Variants in AMOTL1 observed in about 807,000 individuals in gnomAD.
The protein encoded by AMOTL1 is angiomotin-like protein 1.
Under a neutral mutation model 102.9 loss-of-function variants are expected in AMOTL1, and 45 were observed. The ratio of observed to expected loss-of-function variants is 0.44; its 90% confidence interval spans 0.34 to 0.56. AMOTL1 has a LOEUF of 0.56. Among genes scored for constraint, AMOTL1 ranks in the 20% least tolerant of loss-of-function variants. AMOTL1 has a pLI of 0.01. For synonymous variants in AMOTL1, 481 were observed against 484.7 expected (o/e 0.99, Z 0.10); for missense variants, 1,114 against 1,225.6 (o/e 0.91, Z 1.36).
chr11:94,856,449 G>A (rs959539716), intron 8 of AMOTL1, among the ~76,000 whole-genome samples: 3 of 150,382 alleles, frequency 2.0e-5, no homozygotes, highest in African/African-American at 7.5e-5. Flanking sequence ...GGGCCTGTGG[G>A]CTGGTCTGGG....
At chr11:94,841,551 T>G (rs1452999698) in intron 6 of AMOTL1, among the ~76,000 whole-genome samples, 1 of 152,234 alleles carries the variant, frequency 6.6e-6, no homozygotes, top group Non-Finnish European at 1.5e-5. Context: ...ATGGAATCAC[T>G]AGTATGTATA....
intron 11 of AMOTL1, among the ~76,000 whole-genome samples, chr11:94,868,826 C>T (rs1053783554): frequency 6.6e-6 from 1 of 152,090 alleles, no homozygotes; most frequent in African/African-American, 2.4e-5. Flanking sequence ...CCCTACCCCT[C>T]CTGCTGGCAA....
intron 1 of AMOTL1, among the ~76,000 whole-genome samples, chr11:94,719,322 C>G (rs185327973): frequency 6.6e-6 from 1 of 151,988 alleles, no homozygotes; most frequent in East Asian, 1.9e-4. Flanking sequence ...ACACTGTTTT[C>G]CTTTATCGAA....
chr11:94,709,797 G>A (rs1949992902), intron 1 of AMOTL1, among the ~76,000 whole-genome samples: 1 of 152,210 alleles, frequency 6.6e-6, no homozygotes, highest in South Asian at 2.1e-4. Context: ...TTTGGGGGTG[G>A]TTTTTATGTA....
intron 11 of AMOTL1, among the ~76,000 whole-genome samples, chr11:94,867,277 G>C (rs73520305): frequency 0.06 from 9,141 of 152,236 alleles, 497 homozygotes; most frequent in African/African-American, 0.14. Context: ...CAAAGAAGAC[G>C]TGTGTGGACA....
intron 2 of AMOTL1, among the ~76,000 whole-genome samples, chr11:94,734,680 G>A (rs779493697): frequency 3.3e-5 from 5 of 152,104 alleles, no homozygotes; most frequent in Admixed American, 6.5e-5. Flanking sequence ...GAGGAGGAGC[G>A]GGTATTGCTT....
intron 3 of AMOTL1, among the ~76,000 whole-genome samples, chr11:94,751,381 G>A (rs1007917933): frequency 6.6e-6 from 1 of 151,940 alleles, no homozygotes; most frequent in Admixed American, 6.6e-5. Context: ...TTGCAGCAGA[G>A]TCCCTGGGAC....
intron 5 of AMOTL1, 95 bp from the exon 6 acceptor site, chr11:94,831,357 T>C: frequency 9.9e-7 from 1 of 1,014,592 alleles, no homozygotes; most frequent in Non-Finnish European, 1.5e-6. Context: ...GAGCATCTCT[T>C]CCTCCCCAGC....
chr11:94,831,624 G>A, intron 6 of AMOTL1, 83 bp downstream of exon 6: 3 of 1,237,550 alleles, frequency 2.4e-6, no homozygotes, highest in Non-Finnish European at 3.5e-6. Flanking sequence ...AGTTTCAAGT[G>A]GGTTTTGTGC....
intron 3 of AMOTL1, among the ~76,000 whole-genome samples, chr11:94,746,145 T>C (rs2135484131): frequency 6.6e-6 from 1 of 152,310 alleles, no homozygotes; most frequent in South Asian, 2.1e-4. Context: ...AAAAGGGGAT[T>C]TTTTAAAAGG....
intron 3 of AMOTL1, among the ~76,000 whole-genome samples, chr11:94,749,004 G>A (rs910327550): frequency 1.2e-4 from 19 of 152,180 alleles, no homozygotes; most frequent in African/African-American, 4.3e-4. Context: ...GTTCTCCAGA[G>A]AGACAGAACA....
At chr11:94,827,594 T>C (rs1389342590) in intron 4 of AMOTL1, among the ~76,000 whole-genome samples, 2 of 152,110 alleles carry the variant, frequency 1.3e-5, no homozygotes, top group Non-Finnish European at 2.9e-5. Flanking sequence ...TTACCAGCGG[T>C]TCATGATATC....
chr11:94,722,317 T>C (rs1950186576), intron 1 of AMOTL1, among the ~76,000 whole-genome samples: 1 of 152,202 alleles, frequency 6.6e-6, no homozygotes, highest in Non-Finnish European at 1.5e-5. Context: ...TTTATTCTGT[T>C]TCTCCATGGA....
At position 94,826,700 on chromosome 11, in the gene AMOTL1, A is replaced by G. The variant is rs544949963; in HGVS notation, c.1414-3350A>G. Among the ~76,000 whole-genome samples, 3 of 152,328 alleles carry G rather than the reference A, an allele frequency of 2.0e-5. No individual in the cohort carries two copies. In the South Asian group the frequency reaches 6.2e-4, roughly 32 times the overall value. On this transcript the variant is annotated intron_variant, in intron 4 of 12. Coordinates refer to ENST00000433060, the MANE Select transcript of AMOTL1 (RefSeq NM_130847.3). ...AGCCATTCACAAGGGACCCGCCCCC[A>G]TGACCCAAACACTTCCCACTAGGCC...
chr11:94,722,379 A>G (rs930828300), intron 1 of AMOTL1, among the ~76,000 whole-genome samples: 3 of 152,126 alleles, frequency 2.0e-5, no homozygotes, highest in South Asian at 4.1e-4. Context: ...TCTACTTCAC[A>G]TGCTAATAGT....
chr11:94,760,231 A>G (rs1950775343), intron 3 of AMOTL1, among the ~76,000 whole-genome samples: 1 of 152,158 alleles, frequency 6.6e-6, no homozygotes, highest in African/African-American at 2.4e-5. Context: ...GGTTGTTTCC[A>G]TTTAATCTTT....
chr11:94,718,904 T>A (rs1210092035), intron 1 of AMOTL1, among the ~76,000 whole-genome samples: 1 of 152,004 alleles, frequency 6.6e-6, no homozygotes, highest in Non-Finnish European at 1.5e-5. Flanking sequence ...CTAATCTGTC[T>A]ATAGTTATTT....
At chr11:94,771,144 G>C (rs1950942910) in intron 1 of AMOTL1, among the ~76,000 whole-genome samples, 2 of 149,556 alleles carry the variant, frequency 1.3e-5, no homozygotes, top group African/African-American at 4.9e-5. Context: ...GTAAAAGTTT[G>C]ATTTTTCAGG....
intron 6 of AMOTL1, among the ~76,000 whole-genome samples, chr11:94,848,209 A>G (rs958572377): frequency 5.9e-5 from 9 of 152,174 alleles, no homozygotes; most frequent in African/African-American, 2.2e-4. Context: ...GTGGGCTGCT[A>G]CTGACCCCTT....
Sources: gnomAD v4.1 joint callset for allele counts (sites outside exome capture counted in the v4.1 genomes callset) on GRCh38, gnomAD v4.1.1 for gene constraint, MANE v1.5 for transcripts, NCBI Gene and HGNC (gene_info 2026-07-23, HGNC 2026-07-21) for gene names.